FBXL17: variants seen among roughly 807,000 people sequenced by gnomAD.
The protein encoded by FBXL17 is F-box/LRR-repeat protein 17.
FBXL17 carries 22 observed loss-of-function variants against 66.2 expected under a neutral mutation model. The ratio of observed to expected loss-of-function variants is 0.33; its 90% CI spans 0.24 to 0.47. The LOEUF (loss-of-function observed/expected upper bound fraction) is 0.47, where lower values mean the gene tolerates loss of function less well. Ranked by LOEUF, FBXL17 falls within the 20% of genes least tolerant of loss-of-function variation. FBXL17 has a pLI of 1.00. For missense variants in FBXL17, 878 were observed against 948.2 expected (o/e 0.93, Z 0.97); for synonymous variants, 474 against 400.5 (o/e 1.18, Z -2.19).
chr5:107,937,552 C>T (rs551499547), intron 7 of FBXL17, among the ~76,000 whole-genome samples: 4 of 152,290 alleles, frequency 2.6e-5, no homozygotes, highest in African/African-American at 9.6e-5. Flanking sequence ...GATAAGCTTA[C>T]TCTGACCTCC....
intron 4 of FBXL17, among the ~76,000 whole-genome samples, chr5:108,285,613 C>A (rs980293998): frequency 6.6e-6 from 1 of 151,728 alleles, no homozygotes; most frequent in Admixed American, 6.6e-5. Context: ...TCTTTTCTTT[C>A]TGAGCAATAG....
At chr5:107,904,066 T>C (rs1749667844) in intron 7 of FBXL17, among the ~76,000 whole-genome samples, 1 of 152,200 alleles carries the variant, frequency 6.6e-6, no homozygotes, top group African/African-American at 2.4e-5. Flanking sequence ...ACTTCTAAAA[T>C]ATTAATGACT....
chr5:108,380,382 T>TA (rs896267666), intron 1 of FBXL17, among the ~76,000 whole-genome samples: 1 of 152,168 alleles, frequency 6.6e-6, no homozygotes, highest in African/African-American at 2.4e-5. Context: ...ATTCCTCGAT[T>TA]AAAAAATTTT....
intron 7 of FBXL17, among the ~76,000 whole-genome samples, chr5:107,921,536 G>A (rs931165764): frequency 6.6e-6 from 1 of 152,172 alleles, no homozygotes; most frequent in Non-Finnish European, 1.5e-5. Context: ...AGAGGAAGGG[G>A]CTGGTCGTAA....
chr5:107,954,530 G>A (rs1255334207), intron 7 of FBXL17, among the ~76,000 whole-genome samples: 1 of 152,220 alleles, frequency 6.6e-6, no homozygotes, highest in Non-Finnish European at 1.5e-5. Context: ...GAAATCATTA[G>A]TAGGCAAAGA....
rs143544755 is a variant in FBXL17, at chr5:107,918,800, T to G, written c.1823-37621A>C. On this transcript the variant is annotated intron_variant, in intron 7 of 8. Transcript: ENST00000542267. ...CAAGAAATGTGTCATATTCTGTTGT[T>G]GATTCCCAATGCTTAGCCTTGCTGC... 4.6e-3 allele frequency among the ~76,000 whole-genome samples: 707 copies of G among 152,350 alleles called. 8 individuals are homozygous for G. Among genetic ancestry groups the G allele is most frequent in the African/African-American group, 0.016 (684 of 41,592 alleles).
At chr5:108,238,049 C>A (rs1042522280) in intron 4 of FBXL17, among the ~76,000 whole-genome samples, 3 of 152,132 alleles carry the variant, frequency 2.0e-5, no homozygotes, top group African/African-American at 7.2e-5. Context: ...GTATTTACAT[C>A]TTTTACAGGG....
At chr5:108,323,476 G>A (rs531818508) in intron 4 of FBXL17, among the ~76,000 whole-genome samples, 23 of 151,946 alleles carry the variant, frequency 1.5e-4, no homozygotes, top group Non-Finnish European at 2.2e-4. Flanking sequence ...AAGAAATCCC[G>A]TTTTAATGAA....
intron 3 of FBXL17, among the ~76,000 whole-genome samples, chr5:108,356,756 T>C (rs972243095): frequency 1.1e-4 from 17 of 152,058 alleles, no homozygotes; most frequent in Non-Finnish European, 1.3e-4. Context: ...ATACATGTCA[T>C]TATATATTTG....
Position 108,281,407 on chromosome 5 carries a change from G to A in FBXL17, c.1507-57179C>T, listed in dbSNP as rs562357392. On this transcript the variant is annotated intron_variant, in intron 4 of 8. Coordinates refer to ENST00000542267, the MANE Select transcript of FBXL17 (RefSeq NM_001163315.3). ...ACTCTGGAAATTTTACAAATACATG[G>A]AAATTACACAACATACTCCTGAATG... Among the ~76,000 whole-genome samples, 8 of 151,962 alleles carry A rather than the reference G, an allele frequency of 5.3e-5. No individual in the cohort carries two copies. The South Asian group carries it at 1.7e-3, about 31-fold the overall frequency.
chr5:108,074,430 G>A (rs1021988528), intron 6 of FBXL17, among the ~76,000 whole-genome samples: 1 of 151,172 alleles, frequency 6.6e-6, no homozygotes, highest in Non-Finnish European at 1.5e-5. Flanking sequence ...CCTGTTTTGG[G>A]GATTTTTTTA....
intron 4 of FBXL17, among the ~76,000 whole-genome samples, chr5:108,347,065 A>G (rs1340202549): frequency 6.6e-6 from 1 of 152,158 alleles, no homozygotes; most frequent in Non-Finnish European, 1.5e-5. Context: ...ACAGACATGC[A>G]TTGCTTAATG....
At chr5:107,908,838 A>T (rs1055954434) in intron 7 of FBXL17, among the ~76,000 whole-genome samples, 1 of 152,190 alleles carries the variant, frequency 6.6e-6, no homozygotes, top group East Asian at 1.9e-4. Context: ...ACAGTGTTAA[A>T]TGTTAAATGC....
intron 5 of FBXL17, among the ~76,000 whole-genome samples, chr5:108,216,557 T>C (rs576250616): frequency 5.3e-5 from 8 of 152,282 alleles, no homozygotes; most frequent in African/African-American, 1.9e-4. Flanking sequence ...AAAATTTGTA[T>C]ATATTTATGG....
At chr5:108,360,610 G>A (rs1226908906) in intron 3 of FBXL17, among the ~76,000 whole-genome samples, 2 of 152,024 alleles carry the variant, frequency 1.3e-5, no homozygotes, top group South Asian at 2.1e-4. Context: ...TTTCTTGGAC[G>A]TATAGATGCG....
intron 6 of FBXL17, among the ~76,000 whole-genome samples, chr5:108,182,460 G>C (rs1011645924): frequency 2.0e-5 from 3 of 152,086 alleles, no homozygotes; most frequent in Non-Finnish European, 2.9e-5. Flanking sequence ...TGCAAAGTGG[G>C]TTTTAATGTT....
At chr5:107,892,938 C>T (rs1749244209) in intron 7 of FBXL17, among the ~76,000 whole-genome samples, 1 of 152,134 alleles carries the variant, frequency 6.6e-6, no homozygotes, top group South Asian at 2.1e-4. Flanking sequence ...GCAAATAATA[C>T]ATTTTCTATA....
intron 4 of FBXL17, among the ~76,000 whole-genome samples, chr5:108,322,204 C>T (rs1243098050): frequency 2.0e-5 from 3 of 151,916 alleles, no homozygotes; most frequent in Non-Finnish European, 2.9e-5. Flanking sequence ...AGACTGTCTC[C>T]TACAAATACA....
chr5:107,981,500 G>A (rs1222149548), intron 7 of FBXL17, among the ~76,000 whole-genome samples: 1 of 152,208 alleles, frequency 6.6e-6, no homozygotes, highest in Non-Finnish European at 1.5e-5. Context: ...GCAGAGGTGG[G>A]AAGCTACTCA....
Sources: gnomAD v4.1 joint callset for allele counts (sites outside exome capture counted in the v4.1 genomes callset) on GRCh38, gnomAD v4.1.1 for gene constraint, MANE v1.5 for transcripts, NCBI Gene and HGNC (gene_info 2026-07-23, HGNC 2026-07-21) for gene names.